CHAT: variants seen among roughly 807,000 people sequenced by gnomAD.
CHAT encodes acetyl CoA:choline O-acetyltransferase.
CHAT carries 61 observed loss-of-function variants against 76.9 expected under a neutral mutation model. The observed-to-expected ratio is 0.79, with a 90% CI of 0.65 to 0.98. The LOEUF (loss-of-function observed/expected upper bound fraction) is 0.98. CHAT is among the 50% of genes least tolerant of loss of function. The probability of loss-of-function intolerance (pLI) is 0.00; values close to 1 mark genes in which losing one functional copy is unlikely to be tolerated. For missense variants in CHAT, 946 were observed against 986.9 expected (o/e 0.96, Z 0.56); for synonymous variants, 407 against 397.4 (o/e 1.02, Z -0.29).
intron 13 of CHAT, among the ~76,000 whole-genome samples, chr10:49,659,758 A>G (rs1840135985): frequency 6.6e-6 from 1 of 152,172 alleles, no homozygotes; most frequent in Non-Finnish European, 1.5e-5. Context: ...GCTACTAAGG[A>G]GGCTGAGGCA....
chr10:49,638,012 G>A (rs1485833331), intron 7 of CHAT, among the ~76,000 whole-genome samples: 2 of 152,166 alleles, frequency 1.3e-5, no homozygotes, highest in Non-Finnish European at 2.9e-5. Flanking sequence ...CTGTCTAGTC[G>A]TTCTAACAAC....
At chr10:49,631,459 C>A (rs576076731) in intron 7 of CHAT, among the ~76,000 whole-genome samples, 1 of 152,340 alleles carries the variant, frequency 6.6e-6, no homozygotes, top group East Asian at 1.9e-4. Flanking sequence ...AAGGTCCCAT[C>A]TCCAAATACA....
chr10:49,612,238 C>A (rs1564467224), upstream of CHAT: 5 of 1,609,644 alleles, frequency 3.1e-6, no homozygotes, highest in Non-Finnish European at 4.2e-6. Context: ...GGTGCGCCTG[C>A]GTGAGCGTCC....
At chr10:49,615,754 A>C (rs1838466614) in intron 1 of CHAT, 1 of 497,868 alleles carries the variant, frequency 2.0e-6, no homozygotes, top group East Asian at 3.2e-5. Context: ...CTTCAAAATT[A>C]ATCTGCCTCT....
chr10:49,646,768 C>A (rs532456250), intron 8 of CHAT, 94 bp downstream of exon 8: 2 of 1,412,372 alleles, frequency 1.4e-6, no homozygotes, highest in African/African-American at 1.4e-5. Flanking sequence ...CAGGCCCGCA[C>A]GTGCTTGTGT....
intron 7 of CHAT, among the ~76,000 whole-genome samples, chr10:49,633,369 C>A (rs1195261009): frequency 3.3e-5 from 5 of 152,092 alleles, no homozygotes; most frequent in African/African-American, 1.2e-4. Context: ...TTCCTGGGCA[C>A]CTTCTGTCTT....
At chr10:49,655,046 T>A (rs770585291) in intron 11 of CHAT, 49 bp from the exon 12 acceptor site, 5 of 1,609,138 alleles carry the variant, frequency 3.1e-6, no homozygotes, top group Non-Finnish European at 4.3e-6. Flanking sequence ...GAGTTTATGA[T>A]TTCCCAAGAA....
intron 2 of CHAT, among the ~76,000 whole-genome samples, chr10:49,617,768 G>A (rs1267126493): frequency 6.6e-6 from 1 of 152,128 alleles, no homozygotes; most frequent in Non-Finnish European, 1.5e-5. Context: ...GGAAGAACAA[G>A]ATCAGCTGGG....
intron 13 of CHAT, among the ~76,000 whole-genome samples, chr10:49,656,428 A>T (rs1590622011): frequency 6.6e-6 from 1 of 152,046 alleles, no homozygotes; most frequent in East Asian, 1.9e-4. Flanking sequence ...CTTCAACGTG[A>T]ACACCAATCC....
intron 11 of CHAT, among the ~76,000 whole-genome samples, chr10:49,653,029 C>G (rs899430862): frequency 6.6e-6 from 1 of 151,936 alleles, no homozygotes; most frequent in African/African-American, 2.4e-5. Flanking sequence ...TGTGAATTAT[C>G]TTGTTTGCAG....
intron 11 of CHAT, among the ~76,000 whole-genome samples, chr10:49,652,922 AC>A (rs1207678093): frequency 6.7e-6 from 1 of 148,706 alleles, no homozygotes; most frequent in Non-Finnish European, 1.5e-5. Flanking sequence ...GCCTTTCCCC[AC>A]CCCCTTATCT....
chr10:49,628,554 T>C (rs2132738382), intron 7 of CHAT, among the ~76,000 whole-genome samples: 1 of 152,232 alleles, frequency 6.6e-6, no homozygotes, highest in South Asian at 2.1e-4. Flanking sequence ...TTGAGGCCTC[T>C]ACCCAAGAGC....
At chr10:49,663,128 G>C (rs1840249527) in intron 14 of CHAT, among the ~76,000 whole-genome samples, 1 of 152,098 alleles carries the variant, frequency 6.6e-6, no homozygotes, top group Admixed American at 6.5e-5. Context: ...TACTAAAGAG[G>C]CTGAAATAAG....
upstream of CHAT, chr10:49,610,457 C>T (rs1838259334): frequency 2.7e-6 from 1 of 370,556 alleles, no homozygotes; most frequent in African/African-American, 2.1e-5. Flanking sequence ...GAAGTGCGCC[C>T]AGTCTCCGGC....
intron 6 of CHAT, among the ~76,000 whole-genome samples, chr10:49,627,096 T>C (rs1838948527): frequency 6.6e-6 from 1 of 152,232 alleles, no homozygotes; most frequent in Non-Finnish European, 1.5e-5. Context: ...GCCCTAGACA[T>C]ATACACCACA....
chr10:49,657,988 T>G (rs901614432), intron 13 of CHAT, among the ~76,000 whole-genome samples: 1 of 152,238 alleles, frequency 6.6e-6, no homozygotes, highest in Non-Finnish European at 1.5e-5. Flanking sequence ...GCTTTATTCT[T>G]AAATACAAAT....
intron 7 of CHAT, among the ~76,000 whole-genome samples, chr10:49,643,064 G>A (rs181249894): frequency 1.3e-5 from 2 of 152,314 alleles, no homozygotes; most frequent in East Asian, 1.9e-4. Context: ...ATTATCATCC[G>A]TGTTTACAAG....
chr10:49,666,916 T>C lies in CHAT; in HGVS notation c.*1870T>C, dbSNP rs1205896190. On this transcript the variant is annotated 3_prime_UTR_variant, in exon 15 of 15. Transcript: ENST00000337653. ...GTCTGTTCTCTCCAAGTGACCACAGTGCAGATCTGAGTTCTCCTCCGGTTC... is the reference window on the plus strand; with the variant it reads ...GTCTGTTCTCTCCAAGTGACCACAGCGCAGATCTGAGTTCTCCTCCGGTTC... Among the ~76,000 whole-genome samples, 1 of 152,196 alleles carries C rather than the reference T, an allele frequency of 6.6e-6. No individual in the cohort carries two copies. Among genetic ancestry groups the C allele is most frequent in the African/African-American group, 2.4e-5 (1 of 41,448 alleles).
chr10:49,646,950 T>C (rs756310102), intron 8 of CHAT: 49 of 514,248 alleles, frequency 9.5e-5, no homozygotes, highest in Admixed American at 2.3e-4. Flanking sequence ...CTGCAGCCTG[T>C]GCCAGGAAGG....
Sources: gnomAD v4.1 joint callset for allele counts (sites outside exome capture counted in the v4.1 genomes callset) on GRCh38, gnomAD v4.1.1 for gene constraint, MANE v1.5 for transcripts, NCBI Gene and HGNC (gene_info 2026-07-23, HGNC 2026-07-21) for gene names.